Variants in ITFG2 observed in about 807,000 individuals in gnomAD.
ITFG2 encodes KICSTOR complex protein ITFG2.
Under a neutral mutation model 54.4 loss-of-function variants are expected in ITFG2, and 36 were observed. The ratio of observed to expected loss-of-function variants is 0.66; its 90% CI spans 0.51 to 0.87. The LOEUF (loss-of-function observed/expected upper bound fraction) is 0.87. Ranked by LOEUF, ITFG2 falls within the 40% of genes least tolerant of loss-of-function variation. The pLI, the probability that ITFG2 is intolerant of heterozygous loss-of-function variation, is 0.00. For synonymous variants in ITFG2, 211 were observed against 225.4 expected, an observed-to-expected ratio of 0.94 and a Z score of 0.57; for missense variants, 524 against 576.7, an observed-to-expected ratio of 0.91 and a Z score of 0.94.
At chr12:2,835,024 T>C (rs369220367), upstream of ITFG2, 225 of 1,504,340 alleles carry the variant, frequency 1.5e-4, 1 homozygote, top group Middle Eastern at 9.1e-4. Context: ...CCGAGATTGC[T>C]GTAGAGGGAG....
intron 1 of ITFG2, among the ~76,000 whole-genome samples, chr12:2,839,227 G>T (rs574897203): frequency 6.6e-6 from 1 of 152,136 alleles, no homozygotes. Context: ...AAAGGCAGAG[G>T]TTACAGTGAG....
At chr12:2,859,301 C>A (rs767559652) in intron 3 of ITFG2, 11 of 1,613,444 alleles carry the variant, frequency 6.8e-6, no homozygotes, top group Non-Finnish European at 9.3e-6. Context: ...TTCTCCGAGA[C>A]CGGCTCCTCT....
intron 2 of ITFG2, among the ~76,000 whole-genome samples, chr12:2,848,873 ACACG>A (rs138214107): frequency 7.6e-4 from 87 of 114,240 alleles, no homozygotes; most frequent in African/African-American, 3.1e-3. Flanking sequence ...ACAGACACAC[ACACG>A]CACACACACA....
At chr12:2,846,680 TA>T (rs1414509647) in intron 2 of ITFG2, among the ~76,000 whole-genome samples, 1 of 151,738 alleles carries the variant, frequency 6.6e-6, no homozygotes, top group African/African-American at 2.4e-5. Flanking sequence ...GGAGATTGGG[TA>T]AATTCCCAGA....
chr12:2,855,287 G>A (rs760051023), intron 2 of ITFG2: 60 of 1,520,466 alleles, frequency 3.9e-5, no homozygotes, highest in East Asian at 7.4e-5. Context: ...AGCCGCTGAC[G>A]CACCTTGGAC....
At chr12:2,826,918 G>A, downstream of ITFG2, 3 of 1,172,768 alleles carry the variant, frequency 2.6e-6, no homozygotes, top group Non-Finnish European at 2.2e-6. Flanking sequence ...TTGTGCTTAG[G>A]TTCCTATCTG....
upstream of ITFG2, among the ~76,000 whole-genome samples, chr12:2,834,026 C>G (rs2098016033): frequency 6.6e-6 from 1 of 152,206 alleles, no homozygotes; most frequent in Non-Finnish European, 1.5e-5. Flanking sequence ...ACTGTTACTC[C>G]CCTGCCCCAT....
chr12:2,853,461 C>T (rs909853138), intron 2 of ITFG2, among the ~76,000 whole-genome samples: 4 of 151,854 alleles, frequency 2.6e-5, no homozygotes, highest in Admixed American at 6.6e-5. Flanking sequence ...TTAGTAGAGA[C>T]GGGGTTTCAC....
intron 2 of ITFG2, chr12:2,854,849 C>G: frequency 6.1e-6 from 9 of 1,486,604 alleles, no homozygotes; most frequent in Non-Finnish European, 6.3e-6. Context: ...GAGGGGTCAC[C>G]TGGGCAGGGC....
chr12:2,824,082 GCT>G lies in ITFG2; in HGVS notation c.1241-4_1241-3del. 6.2e-7 allele frequency: 1 copy of G among 1,613,992 alleles called. No individual in the cohort carries two copies. The highest frequency in any genetic ancestry group is 8.5e-7 in the Non-Finnish European group (1 of 1,180,012). ...ACAGCCTCTTACCCACCCCTTCTTG[GCT>G]CTCAGATCCTGACGACCTCCCTGTG... is the stretch of plus-strand genomic sequence containing the variant. On this transcript the variant is annotated splice_polypyrimidine_tract_variant and splice_region_variant and intron_variant, in intron 11 of 11. Coordinates refer to ENST00000228799, the MANE Select transcript of ITFG2 (RefSeq NM_018463.4).
chr12:2,856,967 T>G, intron 2 of ITFG2: 1 of 702,964 alleles, frequency 1.4e-6, no homozygotes, highest in Non-Finnish European at 2.6e-6. Flanking sequence ...GCAGGAAAGG[T>G]TCTTCCATAT....
In ITFG2 at chr12:2,823,821, C is replaced by T; in HGVS notation, c.1118C>T (p.Thr373Ile). The T allele has an allele frequency of 6.2e-7, 1 of 1,607,362 alleles. No homozygotes were observed. The highest frequency in any genetic ancestry group is 8.5e-7 in the Non-Finnish European group (1 of 1,176,256). Residue 373 changes from threonine (T) to isoleucine (I), a missense_variant, in exon 11 of 12, where the codon ACT becomes ATT. Transcript: ENST00000228799. ...GRNSPCLVYV[T>I]FNQKIYVYWE... Reference sequence around the variant, plus strand: ...AACAGCCCCTGCCTCGTATATGTCACTTTCAACCAGAAGATCTATGTGTAC... The same window carrying T: ...AACAGCCCCTGCCTCGTATATGTCATTTTCAACCAGAAGATCTATGTGTAC...
chr12:2,856,454 C>T (rs2098087603), intron 2 of ITFG2, among the ~76,000 whole-genome samples: 1 of 152,172 alleles, frequency 6.6e-6, no homozygotes, highest in Non-Finnish European at 1.5e-5. Context: ...CAACCTCCAC[C>T]TCCCGGGTTC....
intron 1 of ITFG2, among the ~76,000 whole-genome samples, chr12:2,839,330 A>G (rs2098035591): frequency 6.6e-6 from 1 of 152,170 alleles, no homozygotes; most frequent in Non-Finnish European, 1.5e-5. Context: ...GAATAACTCC[A>G]TTGGTCTCTA....
At chr12:2,820,256 C>T in intron 5 of ITFG2, 31 bp downstream of exon 5, 1 of 1,543,988 alleles carries the variant, frequency 6.5e-7, no homozygotes, top group East Asian at 2.4e-5. Context: ...AACAAGGCCC[C>T]AGGGAGCTGG....
At position 2,817,896 on chromosome 12, in the gene ITFG2, TTC is replaced by T. The variant is rs772941048; in HGVS notation, c.193-7_193-6del. ...CCTTAGCGTCTCCCTGAGCCTCCCT[TTC>T]TCTCTTACAGCTGACTTGCGTTGGG... On this transcript the variant is annotated splice_polypyrimidine_tract_variant and intron_variant, in intron 2 of 11. Coordinates refer to ENST00000228799, the MANE Select transcript of ITFG2 (RefSeq NM_018463.4). 6.2e-7 allele frequency: 1 copy of T among 1,613,250 alleles called. No individual in the cohort carries two copies. The highest frequency in any genetic ancestry group is 1.3e-5 in the African/African-American group (1 of 74,994).
In ITFG2 at chr12:2,855,199, G is replaced by C. The variant is rs937279333; in HGVS notation, n.301-2813G>C. 3 of 1,506,996 alleles carry C rather than the reference G, an allele frequency of 2.0e-6. No individual in the cohort carries two copies. In the African/African-American group the frequency reaches 4.1e-5, roughly 21 times the overall value. The allele number at this position is 1,506,996 out of a possible 1,614,324, so 93.4% of individuals were successfully genotyped here. On this transcript the variant is annotated intron_variant and non_coding_transcript_variant, in intron 2 of 3. Coordinates refer to the ITFG2 transcript ENST00000537710. Reference sequence around the variant, plus strand: ...GGGCCTGTCAGGCTGGGTGGGGAAGGTGGCAGGCAGACGGCACACATCGAG... The same window carrying C: ...GGGCCTGTCAGGCTGGGTGGGGAAGCTGGCAGGCAGACGGCACACATCGAG...
downstream of ITFG2, chr12:2,828,458 A>G (rs1324952877): frequency 2.1e-6 from 3 of 1,454,834 alleles, no homozygotes; most frequent in Admixed American, 1.8e-5. Flanking sequence ...CCCTAGGAGA[A>G]TGGGTTGGAA....
downstream of ITFG2, chr12:2,827,915 G>C (rs778437100): frequency 1.2e-5 from 20 of 1,613,882 alleles, no homozygotes; most frequent in South Asian, 7.7e-5. This position sits in a 1 kb window ranked among gnomAD's most constrained non-coding sequence, Gnocchi z 4.0. Flanking sequence ...GTTGCAGAAG[G>C]GGGGACTTAC....
Sources: gnomAD v4.1 joint callset for allele counts (sites outside exome capture counted in the v4.1 genomes callset) on GRCh38, gnomAD v4.1.1 for gene constraint, Gnocchi (gnomAD v3.1) non-coding constraint, MANE v1.5 for transcripts, NCBI Gene and HGNC (gene_info 2026-07-23, HGNC 2026-07-21) for gene names.